The following IMMT variants were observed in gnomAD, a reference collection of about 807,000 sequenced individuals.
IMMT encodes the protein inner membrane mitochondrial protein, also known as MICOS complex subunit MIC60.
A neutral mutation model predicts 92.7 loss-of-function variants in IMMT; 40 were observed. The observed-to-expected ratio is 0.43, with a 90% CI of 0.34 to 0.56. The LOEUF (loss-of-function observed/expected upper bound fraction) is 0.56, where lower values mean the gene tolerates loss of function less well. Ranked by LOEUF, IMMT falls within the 20% of genes least tolerant of loss-of-function variation. The pLI, the probability that IMMT is intolerant of heterozygous loss-of-function variation, is 0.03. For missense variants in IMMT, 831 were observed against 912.1 expected, an observed-to-expected ratio of 0.91 and a Z score of 1.14; for synonymous variants, 322 against 336.1, an observed-to-expected ratio of 0.96 and a Z score of 0.46.
rs17618232 is a variant in IMMT at position 86,153,394 on chromosome 2, G to C, written c.1177+166C>G. Among the ~76,000 whole-genome samples the C allele has an allele frequency of 4.6e-3, 689 of 151,244 alleles. 43 individuals are homozygous for C. The East Asian group carries it at 0.12, about 27-fold the overall frequency. The stretch of plus-strand genomic sequence containing the variant: ...TGATGAAACATTTTCATTCCTGAGA[G>C]CATTCGGATGCCAAAAATATCCAAT... On this transcript the variant is annotated intron_variant, in intron 11 of 14. Transcript: ENST00000410111.
chr2:86,151,746 G>T (rs1675481918), intron 11 of IMMT, among the ~76,000 whole-genome samples: 1 of 152,174 alleles, frequency 6.6e-6, no homozygotes, highest in Non-Finnish European at 1.5e-5. Flanking sequence ...ATAATCAGTT[G>T]TTTTCCAGGA....
At chr2:86,195,131 C>G (rs989505327) in intron 1 of IMMT, 18 of 504,400 alleles carry the variant, frequency 3.6e-5, no homozygotes, top group South Asian at 2.0e-4. Flanking sequence ...CTCCACACCC[C>G]ACCCCGCTGC....
At position 86,148,480 on chromosome 2, in the gene IMMT, C is replaced by T. The variant is rs561804253; in HGVS notation, c.1402-647G>A. On this transcript the variant is annotated intron_variant, in intron 12 of 14. Coordinates refer to ENST00000410111, the MANE Select transcript of IMMT (RefSeq NM_006839.3). ...AAAAAAAATTAGCCGGGTGTGGTGG[C>T]GGGTGCCTGTAGTCCCAGCTACTCG... 3.4e-3 allele frequency among the ~76,000 whole-genome samples: 519 copies of T among 151,994 alleles called. 4 individuals are homozygous for T. The highest frequency in any genetic ancestry group is 6.0e-3 in the Non-Finnish European group (409 of 67,950).
intron 6 of IMMT, 88 bp downstream of exon 6, chr2:86,170,661 G>A: frequency 3.6e-6 from 3 of 831,600 alleles, no homozygotes; most frequent in South Asian, 1.6e-5. Context: ...ACAACTAGGT[G>A]ATAGATGACA....
intron 9 of IMMT, 57 bp from the exon 10 acceptor site, chr2:86,158,778 CAAGAAACAG>C (rs1386748790): frequency 1.4e-6 from 2 of 1,388,568 alleles, no homozygotes; most frequent in African/African-American, 2.9e-5. Flanking sequence ...ATAAACATTC[CAAGAAACAG>C]AAGTAGTATT....
At chr2:86,149,317 G>A (rs1675284672) in intron 12 of IMMT, among the ~76,000 whole-genome samples, 1 of 152,118 alleles carries the variant, frequency 6.6e-6, no homozygotes, top group Non-Finnish European at 1.5e-5. Context: ...TATAGTCAAG[G>A]TACAGACAAA....
intron 8 of IMMT, 36 bp downstream of exon 8, chr2:86,161,939 AG>A: frequency 3.0e-6 from 4 of 1,344,534 alleles, no homozygotes; most frequent in Non-Finnish European, 4.2e-6. Context: ...AGCCACCAGG[AG>A]GCCCTAATTA....
chr2:86,144,313 A>T lies in IMMT; in HGVS notation c.2232T>A (p.Tyr744Ter). 6.2e-7 allele frequency: 1 copy of T among 1,613,922 alleles called. No homozygotes were observed. Among genetic ancestry groups the T allele is most frequent in the East Asian group, 2.2e-5 (1 of 44,878 alleles). ...TGGTTCCTATTCCTACGGCGCTGGC[A>T]TATGCTGTCAGGATTTCCACTATCT... ...TKQIVEILTA[Y>*]ASAVGIGTTQ... The change falls in exon 15 of 15, where the codon TAT becomes TAA. Residue 744 changes from tyrosine (Y) to a stop codon, truncating the protein, a stop_gained. Transcript: ENST00000410111. LOFTEE classifies it high-confidence loss of function.
chr2:86,172,366 CAG>C (rs1475212062), intron 4 of IMMT, among the ~76,000 whole-genome samples: 1 of 151,980 alleles, frequency 6.6e-6, no homozygotes, highest in Non-Finnish European at 1.5e-5. Context: ...TTGTTTGAGA[CAG>C]AGTCTTGCCC....
At chr2:86,157,304 TTAA>T (rs1016364107) in intron 10 of IMMT, among the ~76,000 whole-genome samples, 4 of 152,222 alleles carry the variant, frequency 2.6e-5, no homozygotes, top group Non-Finnish European at 4.4e-5. Context: ...TTTGACAGCC[TTAA>T]CTCCACTTCT....
At chr2:86,166,400 C>A (rs752056296) in intron 7 of IMMT, 108 bp downstream of exon 7, 19 of 915,864 alleles carry the variant, frequency 2.1e-5, no homozygotes, top group Non-Finnish European at 2.9e-5. Context: ...CGATATCATA[C>A]GGAAGAAAGC....
chr2:86,151,227 T>C (rs1675450736), intron 12 of IMMT, 70 bp downstream of exon 12: 1 of 1,321,374 alleles, frequency 7.6e-7, no homozygotes, highest in Non-Finnish European at 1.1e-6. Flanking sequence ...TGAGCCAGTA[T>C]TATTTCTACA....
At chr2:86,174,778 G>T (rs201646664) in intron 3 of IMMT, among the ~76,000 whole-genome samples, 1 of 152,062 alleles carries the variant, frequency 6.6e-6, no homozygotes, top group East Asian at 1.9e-4. Flanking sequence ...TTCTCTTTCA[G>T]GTCAAGAAAT....
At chr2:86,170,707 G>A in intron 6 of IMMT, 42 bp downstream of exon 6, 1 of 1,301,880 alleles carries the variant, frequency 7.7e-7, no homozygotes, top group Non-Finnish European at 1.1e-6. Flanking sequence ...GAGCAACTGG[G>A]AGATGACCCA....
In IMMT at chr2:86,144,812, T is replaced by C; in HGVS notation, c.1733A>G (p.Tyr578Cys). The change falls in exon 15 of 15, where the codon TAC (tyrosine) becomes TGC (cysteine). Residue 578 changes from tyrosine (Y) to cysteine (C), a missense_variant. Physicochemically the swap from Tyr to Cys is radical, Grantham distance 194. Transcript: ENST00000410111. ...QLWLSVEALK[Y>C]SMKTSSAETP... is the part of the protein sequence containing the mutation. ...TTCTGCAGATGAGGTCTTCATGCTG[T>C]ACTTTAATGCCTCCACTGAAAGCCA... 1.2e-6 allele frequency: 2 copies of C among 1,612,490 alleles called. No individual in the cohort carries two copies. Among genetic ancestry groups the C allele is most frequent in the Non-Finnish European group, 1.7e-6 (2 of 1,179,830 alleles).
chr2:86,149,369 G>A (rs1247948695), intron 12 of IMMT, among the ~76,000 whole-genome samples: 1 of 152,234 alleles, frequency 6.6e-6, no homozygotes, highest in African/African-American at 2.4e-5. Context: ...CTCATGGCAT[G>A]CAGTGATCAA....
intron 1 of IMMT, among the ~76,000 whole-genome samples, chr2:86,183,877 A>G (rs1488656606): frequency 1.3e-5 from 2 of 152,212 alleles, no homozygotes; most frequent in East Asian, 3.8e-4. Context: ...TTCCATTGTT[A>G]CTTAATGTTT....
At chr2:86,152,932 TG>T (rs539493120) in intron 11 of IMMT, among the ~76,000 whole-genome samples, 237 of 152,294 alleles carry the variant, frequency 1.6e-3, no homozygotes, top group Non-Finnish European at 2.8e-3. Context: ...AGAGATTTAT[TG>T]ACTAAACTCA....
chr2:86,145,603 CAAAA>C (rs1179494744), intron 14 of IMMT, among the ~76,000 whole-genome samples: 2 of 149,740 alleles, frequency 1.3e-5, no homozygotes, highest in African/African-American at 2.5e-5. Context: ...TGTTATGTGA[CAAAA>C]AAAGATTCCA....
Sources: allele counts gnomAD v4.1 joint callset (sites outside exome capture counted in the v4.1 genomes callset), GRCh38; gene constraint gnomAD v4.1.1; transcripts MANE v1.5; gene names NCBI Gene and HGNC (gene_info 2026-07-23, HGNC 2026-07-21).